Variants in PTPN4 observed in about 807,000 individuals in gnomAD.
PTPN4 encodes the protein tyrosine-protein phosphatase non-receptor type 4.
Under a neutral mutation model 135.5 loss-of-function variants are expected in PTPN4, and 49 were observed. That is an observed-to-expected ratio of 0.36 (90% CI 0.29 to 0.46). The LOEUF is 0.46. Ranked by LOEUF, PTPN4 falls within the 20% of genes least tolerant of loss-of-function variation. The pLI is 1.00. For synonymous variants in PTPN4, 333 were observed against 369.9 expected, an observed-to-expected ratio of 0.90 and a Z score of 1.14; for missense variants, 860 against 1,101.0, an observed-to-expected ratio of 0.78 and a Z score of 3.10.
intron 1 of PTPN4, among the ~76,000 whole-genome samples, chr2:119,809,304 T>G (rs1691536325): frequency 6.6e-6 from 1 of 152,016 alleles, no homozygotes; most frequent in Non-Finnish European, 1.5e-5. Flanking sequence ...TTTTGTTTTC[T>G]TAGGAATAAT....
intron 2 of PTPN4, among the ~76,000 whole-genome samples, chr2:119,825,697 T>C (rs755801559): frequency 2.6e-5 from 4 of 152,042 alleles, no homozygotes; most frequent in Non-Finnish European, 5.9e-5. Context: ...GGTTTCACCA[T>C]GTTGGGCAGG....
intron 2 of PTPN4, among the ~76,000 whole-genome samples, chr2:119,817,182 A>G (rs900821915): frequency 2.6e-5 from 4 of 152,048 alleles, no homozygotes; most frequent in Non-Finnish European, 5.9e-5. Context: ...CAGGGTTTTT[A>G]TACTTTTGGC....
At chr2:119,865,761 T>C (rs1341095885) in intron 3 of PTPN4, among the ~76,000 whole-genome samples, 2 of 152,120 alleles carry the variant, frequency 1.3e-5, no homozygotes, top group East Asian at 1.9e-4. Flanking sequence ...TGTATGTATA[T>C]ATTATGTGTA....
At chr2:119,950,690 C>T (rs1403369642) in intron 18 of PTPN4, among the ~76,000 whole-genome samples, 2 of 152,152 alleles carry the variant, frequency 1.3e-5, no homozygotes, top group East Asian at 1.9e-4. Flanking sequence ...CCTTCTCAAC[C>T]TGGCCTATCA....
chr2:119,885,338 C>T (rs762907171), intron 8 of PTPN4, among the ~76,000 whole-genome samples: 3 of 152,150 alleles, frequency 2.0e-5, no homozygotes, highest in Non-Finnish European at 2.9e-5. Flanking sequence ...ATACAAGCCT[C>T]CAACACTCAG....
At chr2:119,881,856 A>AT (rs1284863749) in intron 6 of PTPN4, 26 bp downstream of exon 6, 3 of 1,470,610 alleles carry the variant, frequency 2.0e-6, no homozygotes, top group African/African-American at 1.4e-5. Flanking sequence ...TTCTTAAAAA[A>AT]TTTTTTGTAA....
In PTPN4 at chr2:119,881,980, C is replaced by T. The variant is rs1678087605; in HGVS notation, c.414-117C>T. ...TTCCTTTCATCAGATAAGTTTATTTCTTAACAGTTAAAATCAAATCACATG... is the reference window on the plus strand; with the variant it reads ...TTCCTTTCATCAGATAAGTTTATTTTTTAACAGTTAAAATCAAATCACATG... On this transcript the variant is annotated intron_variant, in intron 6 of 26. Transcript: ENST00000263708. The T allele has an allele frequency of 3.5e-6, 4 of 1,142,404 alleles. No homozygotes were observed. In the South Asian group the frequency reaches 5.3e-5, roughly 15 times the overall value. The allele number at this position is 1,142,404 out of a possible 1,614,324, so 70.8% of individuals were successfully genotyped here. A position where few individuals can be genotyped will look rare whatever the true frequency, so the allele number is the denominator to read the frequency against.
At chr2:119,921,177 C>G (rs1678732019) in intron 12 of PTPN4, among the ~76,000 whole-genome samples, 1 of 152,044 alleles carries the variant, frequency 6.6e-6, no homozygotes, top group African/African-American at 2.4e-5. Context: ...ATCCCAGCTA[C>G]TTGGGAGGCT....
At chr2:119,866,296 A>AG (rs1450183450) in intron 3 of PTPN4, among the ~76,000 whole-genome samples, 1 of 151,958 alleles carries the variant, frequency 6.6e-6, no homozygotes, top group African/African-American at 2.4e-5. Flanking sequence ...AGTAGGATAG[A>AG]GGGTAGATTA....
At chr2:119,865,452 C>T (rs1159367598) in intron 3 of PTPN4, among the ~76,000 whole-genome samples, 3 of 152,054 alleles carry the variant, frequency 2.0e-5, no homozygotes, top group South Asian at 2.1e-4. Context: ...TAGAAGTCAA[C>T]TAATTTGTTT....
chr2:119,768,224 A>G (rs914318465), intron 1 of PTPN4, among the ~76,000 whole-genome samples: 20 of 151,970 alleles, frequency 1.3e-4, no homozygotes, highest in Non-Finnish European at 2.8e-4. Context: ...TGGCTCCTCT[A>G]TCTCCTTGAC....
intron 2 of PTPN4, among the ~76,000 whole-genome samples, chr2:119,853,064 G>C (rs1677616843): frequency 6.6e-6 from 1 of 152,228 alleles, no homozygotes; most frequent in Non-Finnish European, 1.5e-5. Context: ...TGTGAATGTT[G>C]ATGGATGCTT....
chr2:119,789,649 C>T (rs1366917150), intron 1 of PTPN4, among the ~76,000 whole-genome samples: 1 of 152,108 alleles, frequency 6.6e-6, no homozygotes, highest in Admixed American at 6.6e-5. Context: ...TTGTGTTTTA[C>T]TTTGACCATT....
At chr2:119,936,093 C>G (rs1224692170) in intron 15 of PTPN4, among the ~76,000 whole-genome samples, 1 of 152,058 alleles carries the variant, frequency 6.6e-6, no homozygotes, top group East Asian at 1.9e-4. Context: ...AGCTCTGCCT[C>G]CCGGGTTCAC....
intron 1 of PTPN4, among the ~76,000 whole-genome samples, chr2:119,809,238 C>A (rs1476516752): frequency 6.6e-6 from 1 of 151,514 alleles, no homozygotes; most frequent in African/African-American, 2.4e-5. Flanking sequence ...TATAGGCCAT[C>A]TAGTTTTTAT....
At chr2:119,920,523 T>C (rs918681800) in intron 12 of PTPN4, among the ~76,000 whole-genome samples, 6 of 152,220 alleles carry the variant, frequency 3.9e-5, no homozygotes, top group Non-Finnish European at 7.3e-5. Context: ...ACAGATGACA[T>C]AATTTCTATT....
Position 119,955,324 on chromosome 2 carries a change from G to A in PTPN4, c.1980+1G>A. The A allele has an allele frequency of 6.4e-7, 1 of 1,572,298 alleles. No homozygotes were observed. Among genetic ancestry groups the A allele is most frequent in the Non-Finnish European group, 8.6e-7 (1 of 1,163,580 alleles). Reference sequence around the variant, plus strand: ...TGGAACAGTCCTGACACAGTTTGATGTAAGTAATATCATTATATATTAAAA... The same window carrying A: ...TGGAACAGTCCTGACACAGTTTGATATAAGTAATATCATTATATATTAAAA... On this transcript the variant is annotated splice_donor_variant, in intron 20 of 26. Coordinates refer to ENST00000263708, the MANE Select transcript of PTPN4 (RefSeq NM_002830.4). LOFTEE classifies it high-confidence loss of function.
rs79230638 is a variant in PTPN4, at chr2:119,963,487, C to T, written c.2409+743C>T. On this transcript the variant is annotated intron_variant, in intron 24 of 26. Coordinates refer to ENST00000263708, the MANE Select transcript of PTPN4 (RefSeq NM_002830.4). ...AACTGCTAGAGAAGAGCAAATAGCCCAAGCTATGAGTGCCCAGGACTATCC... is the reference window on the plus strand; with the variant it reads ...AACTGCTAGAGAAGAGCAAATAGCCTAAGCTATGAGTGCCCAGGACTATCC... Among the ~76,000 whole-genome samples the T allele has an allele frequency of 2.6e-5, 4 of 152,264 alleles. No individual in the cohort carries two copies. In the East Asian group the frequency reaches 7.7e-4, roughly 29 times the overall value.
At chr2:119,955,836 C>T (rs1679273037) in intron 20 of PTPN4, among the ~76,000 whole-genome samples, 1 of 152,048 alleles carries the variant, frequency 6.6e-6, no homozygotes, top group Non-Finnish European at 1.5e-5. Context: ...ACTCAGGAGG[C>T]TGAGGCAGGA....
Sources: gnomAD v4.1 joint callset for allele counts (sites outside exome capture counted in the v4.1 genomes callset) on GRCh38, gnomAD v4.1.1 for gene constraint, MANE v1.5 for transcripts, NCBI Gene and HGNC (gene_info 2026-07-23, HGNC 2026-07-21) for gene names.